The following XPO5 variants were observed in gnomAD, a reference collection of about 807,000 sequenced individuals.
XPO5 encodes exportin-5.
In XPO5, 46 loss-of-function variants were observed where a neutral mutation model predicts 160.6. The observed-to-expected ratio is 0.29, with a 90% CI of 0.23 to 0.37. The LOEUF (loss-of-function observed/expected upper bound fraction) is 0.37. Among genes scored for constraint, XPO5 ranks in the 10% least tolerant of loss-of-function variants. XPO5 has a pLI of 1.00. For missense variants in XPO5, 1,090 were observed against 1,463.9 expected, an observed-to-expected ratio of 0.74 and a Z score of 4.17; for synonymous variants, 537 against 519.3, an observed-to-expected ratio of 1.03 and a Z score of -0.46.
rs2127695690 is a variant in XPO5 at position 43,523,447 on chromosome 6, T to C, written c.*421A>G. 1 of 341,244 alleles carries C rather than the reference T, an allele frequency of 2.9e-6. No individual in the cohort carries two copies. The highest frequency in any genetic ancestry group is 2.3e-5 in the South Asian group (1 of 42,924). 21.1% of individuals were successfully genotyped at this position (341,244 alleles called of 1,614,324 possible). Reference sequence around the variant, plus strand: ...GGAGTTGGAGTGGTCCAAGAGAAACTCTGGCACAAGTAGTTGAGGGCTGTG... The same window carrying C: ...GGAGTTGGAGTGGTCCAAGAGAAACCCTGGCACAAGTAGTTGAGGGCTGTG... On this transcript the variant is annotated 3_prime_UTR_variant, in exon 32 of 32. Coordinates refer to ENST00000265351, the MANE Select transcript of XPO5 (RefSeq NM_020750.3).
Position 43,528,158 on chromosome 6 carries a change from C to A in XPO5, c.2822+1G>T. 6.3e-7 allele frequency: 1 copy of A among 1,591,302 alleles called. No homozygotes were observed. Among genetic ancestry groups the A allele is most frequent in the Admixed American group, 1.8e-5 (1 of 56,522 alleles). ...AAGAAGAGTGGGTAGGTATCCCTTA[C>A]CACAGCAGGCTCCTTTGGTTGATAA... is the stretch of plus-strand genomic sequence containing the variant. On this transcript the variant is annotated splice_donor_variant, in intron 25 of 31. Coordinates refer to ENST00000265351, the MANE Select transcript of XPO5 (RefSeq NM_020750.3). LOFTEE classifies it high-confidence loss of function.
At chr6:43,563,914 GCTAAA>G (rs1210573272) in intron 8 of XPO5, among the ~76,000 whole-genome samples, 2 of 152,106 alleles carry the variant, frequency 1.3e-5, no homozygotes, top group East Asian at 1.9e-4. Flanking sequence ...GTACCCTTAG[GCTAAA>G]CTAAACTTAT....
intron 8 of XPO5, 151 bp from the exon 9 acceptor site, chr6:43,562,497 C>A (rs1302610837): frequency 3.2e-6 from 2 of 627,790 alleles, no homozygotes; most frequent in East Asian, 5.8e-5. Flanking sequence ...TTTTTAAAAT[C>A]TTTTTAACTT....
At chr6:43,549,829 T>A in intron 16 of XPO5, 64 bp downstream of exon 16, 1 of 1,481,032 alleles carries the variant, frequency 6.8e-7, no homozygotes, top group Non-Finnish European at 9.3e-7. Flanking sequence ...ATAAACTGAG[T>A]ATCAGGTATT....
chr6:43,554,457 G>A (rs1376407076), intron 13 of XPO5, among the ~76,000 whole-genome samples: 5 of 139,208 alleles, frequency 3.6e-5, no homozygotes, highest in African/African-American at 5.4e-5. Context: ...ATGGAGTCCC[G>A]CTCTTTGCCC....
rs1321192980 is a variant in XPO5, at chr6:43,524,460, G to A, written c.3477+11C>T. Reference sequence around the variant, plus strand: ...GGGGGTTGGGAGCACTATTGAAGGTGCATGACCTACCCCAATGCAACCAGC... The same window carrying A: ...GGGGGTTGGGAGCACTATTGAAGGTACATGACCTACCCCAATGCAACCAGC... On this transcript the variant is annotated intron_variant, in intron 31 of 31. Coordinates refer to ENST00000265351, the MANE Select transcript of XPO5 (RefSeq NM_020750.3). 3.1e-6 allele frequency: 5 copies of A among 1,612,342 alleles called. No homozygotes were observed. Among genetic ancestry groups the A allele is most frequent in the Admixed American group, 1.7e-5 (1 of 59,970 alleles).
intron 5 of XPO5, among the ~76,000 whole-genome samples, chr6:43,569,668 G>T (rs1762889629): frequency 6.6e-6 from 1 of 151,850 alleles, no homozygotes; most frequent in Admixed American, 6.6e-5. Context: ...AGGAGGCGGA[G>T]GTTGCAGTGA....
At chr6:43,533,818 G>A in intron 21 of XPO5, 89 bp downstream of exon 21, 1 of 960,426 alleles carries the variant, frequency 1.0e-6, no homozygotes, top group Non-Finnish European at 1.5e-6. Context: ...CTGGGTGACA[G>A]AGACTATGAC....
At chr6:43,526,406 C>T in intron 27 of XPO5, 1 of 483,112 alleles carries the variant, frequency 2.1e-6, no homozygotes, top group Non-Finnish European at 3.8e-6. Flanking sequence ...ATAGGTTGGT[C>T]ATGGACGATC....
chr6:43,541,169 T>C (rs1794673149), intron 20 of XPO5, among the ~76,000 whole-genome samples: 1 of 152,182 alleles, frequency 6.6e-6, no homozygotes, highest in Non-Finnish European at 1.5e-5. Flanking sequence ...CCACAAAGAA[T>C]GAATAAGATC....
intron 14 of XPO5, among the ~76,000 whole-genome samples, chr6:43,553,102 C>T (rs1795329593): frequency 1.3e-5 from 2 of 152,036 alleles, no homozygotes; most frequent in South Asian, 4.2e-4. Context: ...TCGCTTGAGG[C>T]CAGGAGTTTG....
In XPO5 at chr6:43,524,458, G is replaced by A. The variant is rs979593262; in HGVS notation, c.3477+13C>T. The A allele has an allele frequency of 1.2e-5, 19 of 1,612,098 alleles. No individual in the cohort carries two copies. Among genetic ancestry groups the A allele is most frequent in the South Asian group, 2.2e-5 (2 of 90,892 alleles). ...AAGGGGGTTGGGAGCACTATTGAAG[G>A]TGCATGACCTACCCCAATGCAACCA... On this transcript the variant is annotated intron_variant, in intron 31 of 31. Coordinates refer to ENST00000265351, the MANE Select transcript of XPO5 (RefSeq NM_020750.3).
chr6:43,541,461 G>A (rs1794685939), intron 20 of XPO5, among the ~76,000 whole-genome samples: 1 of 152,136 alleles, frequency 6.6e-6, no homozygotes, highest in South Asian at 2.1e-4. Context: ...CCATTTTAAA[G>A]TTCACAATTC....
At chr6:43,563,811 C>T (rs1236648420) in intron 8 of XPO5, among the ~76,000 whole-genome samples, 1 of 152,146 alleles carries the variant, frequency 6.6e-6, no homozygotes, top group African/African-American at 2.4e-5. Flanking sequence ...GACTGCAGGA[C>T]AGAAAACTGT....
chr6:43,565,989 G>A (rs1469498582), intron 7 of XPO5, among the ~76,000 whole-genome samples: 1 of 152,208 alleles, frequency 6.6e-6, no homozygotes, highest in Non-Finnish European at 1.5e-5. Context: ...GAGTGCGGTG[G>A]CTCATGCCTG....
At chr6:43,529,895 C>G (rs1361956608) in intron 23 of XPO5, among the ~76,000 whole-genome samples, 1 of 139,328 alleles carries the variant, frequency 7.2e-6, no homozygotes, top group African/African-American at 2.8e-5. Context: ...CTGGGTAACA[C>G]TGAGACCCTG....
chr6:43,526,235 GTA>G, intron 27 of XPO5: 1 of 420,836 alleles, frequency 2.4e-6, no homozygotes, highest in African/African-American at 2.0e-5. Flanking sequence ...GGGATAAAAG[GTA>G]TAGGACAATA....
rs531507184 is a variant in XPO5, at chr6:43,525,291, C to T, written c.3067-77G>A. ...CTGATGATTATTACACATCAGGAGCCGGAGGGTTTTTTTTTTTTCCTCCCC... is the reference window on the plus strand; with the variant it reads ...CTGATGATTATTACACATCAGGAGCTGGAGGGTTTTTTTTTTTTCCTCCCC... On this transcript the variant is annotated intron_variant, in intron 28 of 31. Transcript: ENST00000265351. The T allele has an allele frequency of 2.9e-4, 404 of 1,370,070 alleles. 1 individual carries two copies. In the African/African-American group the frequency reaches 5.1e-3, roughly 17 times the overall value. 84.9% of individuals were successfully genotyped at this position (1,370,070 alleles called of 1,614,324 possible).
chr6:43,572,538 G>A lies in XPO5; in HGVS notation c.268C>T (p.Leu90=), dbSNP rs1262759160. 1.6e-5 allele frequency: 26 copies of A among 1,613,728 alleles called. No homozygotes were observed. Among genetic ancestry groups the A allele is most frequent in the Non-Finnish European group, 2.1e-5 (25 of 1,179,898 alleles). Residue 90 remains leucine (L), a synonymous_variant, in exon 3 of 32, where the codon CTG becomes TTG. Coordinates refer to ENST00000265351, the MANE Select transcript of XPO5 (RefSeq NM_020750.3). ...ATCAGCTCCATGACACTGTTCTTCAGATACACCTTCTCCAATCGAGACATG... is the reference window on the plus strand; with the variant it reads ...ATCAGCTCCATGACACTGTTCTTCAAATACACCTTCTCCAATCGAGACATG... The part of the protein sequence containing the change: ...NGMSRLEKVY[L]KNSVMELIAN...
Sources: gnomAD v4.1 joint callset for allele counts (sites outside exome capture counted in the v4.1 genomes callset) on GRCh38, gnomAD v4.1.1 for gene constraint, MANE v1.5 for transcripts, NCBI Gene and HGNC (gene_info 2026-07-23, HGNC 2026-07-21) for gene names.